LELP1: variants seen among roughly 807,000 people sequenced by gnomAD.
LELP1 encodes the protein late cornified envelope like proline rich 1.
A neutral mutation model predicts 0.3 loss-of-function variants in LELP1; 1 was observed. The ratio of observed to expected loss-of-function variants is 2.87; its 90% CI spans 1.02 to 13.63. The LOEUF (loss-of-function observed/expected upper bound fraction) is 13.63, where lower values mean the gene tolerates loss of function less well. Ranked by LOEUF, LELP1 falls within the 30% of genes most tolerant of loss-of-function variation. LELP1 has a pLI of 0.12. For missense variants in LELP1, 122 were observed against 118.7 expected (o/e 1.03, Z -0.13); for synonymous variants, 57 against 45.9 (o/e 1.24, Z -0.97).
intron 1 of LELP1, 107 bp from the exon 2 acceptor site, chr1:153,204,580 A>T: frequency 1.3e-6 from 1 of 785,976 alleles, no homozygotes; most frequent in Non-Finnish European, 2.1e-6. Flanking sequence ...AAGATGATCT[A>T]GAGCCTGAAT....
chr1:153,205,107 C>G lies in LELP1; in HGVS notation c.*103C>G. On this transcript the variant is annotated 3_prime_UTR_variant, in exon 2 of 2. Transcript: ENST00000368747. ...CCATGAACTGACAAGTAAACGTGTT[C>G]CTCTGCTGTGCAAGACTTCTCCTGG... 1.1e-6 allele frequency: 1 copy of G among 887,610 alleles called. No individual in the cohort carries two copies. Among genetic ancestry groups the G allele is most frequent in the Non-Finnish European group, 1.7e-6 (1 of 572,264 alleles). 55.0% of individuals were successfully genotyped at this position (887,610 alleles called of 1,614,324 possible).
In LELP1 at chr1:153,204,892, C is replaced by T. The variant is rs1657719962; in HGVS notation, c.185C>T (p.Pro62Leu). The T allele has an allele frequency of 2.5e-6, 4 of 1,614,064 alleles. No homozygotes were observed. Among genetic ancestry groups the T allele is most frequent in the Non-Finnish European group, 2.5e-6 (3 of 1,179,968 alleles). Residue 62 changes from proline to leucine, a missense_variant, in exon 2 of 2, where the codon CCC becomes CTC. By Grantham distance (98) the Pro-to-Leu change is moderately conservative. Coordinates refer to ENST00000368747, the MANE Select transcript of LELP1 (RefSeq NM_001010857.3). The part of the protein sequence containing the change: ...CPAPPKCLPC[P>L]SQSPSSCPPQ... Reference sequence around the variant, plus strand: ...GCACCACCCAAGTGCCTGCCCTGCCCCTCGCAGTCTCCTTCATCCTGCCCT... The same window carrying T: ...GCACCACCCAAGTGCCTGCCCTGCCTCTCGCAGTCTCCTTCATCCTGCCCT...
rs763951032 is a variant in LELP1, at chr1:153,204,832, G to A, written c.125G>A (p.Arg42His). Residue 42 changes from arginine (R) to histidine (H), a missense_variant, in exon 2 of 2, where the codon CGC (arginine) becomes CAC (histidine). By Grantham distance (29) the Arg-to-His change is conservative (BLOSUM62 0). Coordinates refer to ENST00000368747, the MANE Select transcript of LELP1 (RefSeq NM_001010857.3). ...AGCTGTTTAAAGAAGCTGCTGCAAC[G>A]CTGTTTCGAAAAGTGCCCATGGGAA... ...QPSCLKKLLQ[R>H]CFEKCPWEKC... 1.1e-4 allele frequency: 173 copies of A among 1,614,214 alleles called. 4 individuals are homozygous for A. In the Admixed American group the frequency reaches 1.5e-3, roughly 14 times the overall value.
chr1:153,204,563 A>G (rs1657711026), intron 1 of LELP1, 124 bp from the exon 2 acceptor site: 8 of 722,498 alleles, frequency 1.1e-5, no homozygotes, highest in Non-Finnish European at 1.9e-5. Flanking sequence ...GGGCGGCCCT[A>G]AATGAGAAGA....
Position 153,204,256 on chromosome 1 carries a change from A to G in LELP1, c.-21-431A>G, listed in dbSNP as rs549894688. ...CCCATCTATCTTCAGAGGAACAGGA[A>G]GTGGCCTTAGAGGAGCGAAACTTCT... On this transcript the variant is annotated intron_variant, in intron 1 of 1. Transcript: ENST00000368747. Among the ~76,000 whole-genome samples, 90 of 152,360 alleles carry G rather than the reference A, an allele frequency of 5.9e-4. 3 individuals carry two copies. The South Asian group carries it at 0.019, about 32-fold the overall frequency.
chr1:153,204,042 A>T (rs548811926), intron 1 of LELP1, among the ~76,000 whole-genome samples: 1 of 152,346 alleles, frequency 6.6e-6, no homozygotes. Flanking sequence ...ATTATTTATC[A>T]GAACCTGGAT....
chr1:153,204,595 C>T, intron 1 of LELP1, 92 bp from the exon 2 acceptor site: 2 of 917,866 alleles, frequency 2.2e-6, no homozygotes, highest in Non-Finnish European at 3.4e-6. Context: ...CTGAATGCAT[C>T]TCAGGGAAGA....
chr1:153,203,693 G>C (rs987570899), intron 1 of LELP1, among the ~76,000 whole-genome samples, 162 bp downstream of exon 1: 1 of 152,104 alleles, frequency 6.6e-6, no homozygotes, highest in Non-Finnish European at 1.5e-5. Flanking sequence ...CTTCACCTTG[G>C]AATAGAGTCT....
At chr1:153,203,617 A>G (rs542039530) in intron 1 of LELP1, 86 bp downstream of exon 1, 2 of 152,292 alleles carry the variant, frequency 1.3e-5, no homozygotes, top group African/African-American at 4.8e-5. Flanking sequence ...CGCACTGAGC[A>G]GGGTTGGGAA....
chr1:153,204,317 C>T (rs1657707288), intron 1 of LELP1, among the ~76,000 whole-genome samples: 1 of 152,090 alleles, frequency 6.6e-6, no homozygotes, highest in African/African-American at 2.4e-5. Flanking sequence ...TCTGGTCAAA[C>T]TTAGGGACTC....
Position 153,205,038 on chromosome 1 carries a change from T to C in LELP1, c.*34T>C. Reference sequence around the variant, plus strand: ...GGGCACTACCCAACCCCACCACCACTGCCACCTCCACCATGTACAACGCTG... The same window carrying C: ...GGGCACTACCCAACCCCACCACCACCGCCACCTCCACCATGTACAACGCTG... On this transcript the variant is annotated 3_prime_UTR_variant, in exon 2 of 2. Coordinates refer to ENST00000368747, the MANE Select transcript of LELP1 (RefSeq NM_001010857.3). 1.3e-6 allele frequency: 2 copies of C among 1,518,880 alleles called. No homozygotes were observed. The highest frequency in any genetic ancestry group is 1.1e-5 in the South Asian group (1 of 88,072). 94.1% of individuals were successfully genotyped at this position (1,518,880 alleles called of 1,614,324 possible).
rs1657726701 is a variant in LELP1 at position 153,205,103 on chromosome 1, T to C, written c.*99T>C. The C allele has an allele frequency of 2.2e-6, 2 of 922,106 alleles. No individual in the cohort carries two copies. The highest frequency in any genetic ancestry group is 5.3e-5 in the East Asian group (2 of 37,940). 57.1% of individuals were successfully genotyped at this position (922,106 alleles called of 1,614,324 possible). A position where few individuals can be genotyped will look rare whatever the true frequency, so the allele number is the denominator to read the frequency against. ...GAAACCATGAACTGACAAGTAAACG[T>C]GTTCCTCTGCTGTGCAAGACTTCTC... On this transcript the variant is annotated 3_prime_UTR_variant, in exon 2 of 2. Coordinates refer to ENST00000368747, the MANE Select transcript of LELP1 (RefSeq NM_001010857.3).
rs766222461 is a variant in LELP1, at chr1:153,204,954, C to A, written c.247C>A (p.Pro83Thr). 1.2e-6 allele frequency: 2 copies of A among 1,613,904 alleles called. No individual in the cohort carries two copies. The highest frequency in any genetic ancestry group is 1.7e-5 in the Admixed American group (1 of 59,998). The change falls in exon 2 of 2, where the codon CCT becomes ACT. Residue 83 changes from proline to threonine, a missense_variant. Transcript: ENST00000368747. ...CACCAAGCCCTGTCCTCCTAAATGC[C>A]CTTCATCCTGCCCACATGCTTGCCC... is the stretch of plus-strand genomic sequence containing the variant. ...PCTKPCPPKC[P>T]SSCPHACPPP...
intron 1 of LELP1, among the ~76,000 whole-genome samples, chr1:153,203,776 A>G (rs1384140192): frequency 6.6e-6 from 1 of 152,228 alleles, no homozygotes; most frequent in Non-Finnish European, 1.5e-5. Context: ...AAAATTTAAA[A>G]TGTTATTTTT....
rs754461347 is a variant in LELP1 at position 153,204,998 on chromosome 1, A to G, written c.291A>G (p.Pro97=). 1 of 1,611,238 alleles carries G rather than the reference A, an allele frequency of 6.2e-7. No individual in the cohort carries two copies. ...CTTGCCCACCTCCCTGCCCTCCCCCAGAGTGAGGCACTGTGGGCACTACCC... is the reference window on the plus strand; with the variant it reads ...CTTGCCCACCTCCCTGCCCTCCCCCGGAGTGAGGCACTGTGGGCACTACCC... ...PHACPPPCPP[P]E The change falls in exon 2 of 2, where the codon CCA becomes CCG. Residue 97 remains proline, a synonymous_variant. Coordinates refer to ENST00000368747, the MANE Select transcript of LELP1 (RefSeq NM_001010857.3).
Position 153,204,673 on chromosome 1 carries a change from A to G in LELP1, c.-21-14A>G, listed in dbSNP as rs1469098761. 1.3e-6 allele frequency: 2 copies of G among 1,592,702 alleles called. No homozygotes were observed. Among genetic ancestry groups the G allele is most frequent in the Non-Finnish European group, 1.7e-6 (2 of 1,161,260 alleles). On this transcript the variant is annotated splice_polypyrimidine_tract_variant and intron_variant, in intron 1 of 1. Coordinates refer to ENST00000368747, the MANE Select transcript of LELP1 (RefSeq NM_001010857.3). ...TCCTCTCCCACCTACAATGCATCTC[A>G]TATTTCTTTGCAGGGCTCAGATAAT... is the stretch of plus-strand genomic sequence containing the variant.
At position 153,205,120 on chromosome 1, in the gene LELP1, A is replaced by G. The variant is rs1040221338; in HGVS notation, c.*116A>G. 5.1e-6 allele frequency: 4 copies of G among 789,532 alleles called. No homozygotes were observed. The Admixed American group carries it at 8.2e-5, about 16-fold the overall frequency. 48.9% of individuals were successfully genotyped at this position (789,532 alleles called of 1,614,324 possible). A position where few individuals can be genotyped will look rare whatever the true frequency, so the allele number is the denominator to read the frequency against. On this transcript the variant is annotated 3_prime_UTR_variant, in exon 2 of 2. Transcript: ENST00000368747. Reference sequence around the variant, plus strand: ...AGTAAACGTGTTCCTCTGCTGTGCAAGACTTCTCCTGGTGTTTCTGGTGGG... The same window carrying G: ...AGTAAACGTGTTCCTCTGCTGTGCAGGACTTCTCCTGGTGTTTCTGGTGGG...
intron 1 of LELP1, among the ~76,000 whole-genome samples, chr1:153,204,453 C>T (rs191227992): frequency 5.3e-4 from 80 of 152,194 alleles, no homozygotes; most frequent in African/African-American, 1.8e-3. Context: ...TTAAGAACTC[C>T]TACTAGAGTC....
In LELP1 at chr1:153,204,297, C is replaced by T. The variant is rs567816823; in HGVS notation, c.-21-390C>T. On this transcript the variant is annotated intron_variant, in intron 1 of 1. Transcript: ENST00000368747. ...CGAAACTTCTATTGTGCCATGAATG[C>T]CTTGAGCAATCTGGTCAAACTTAGG... 5.6e-4 allele frequency among the ~76,000 whole-genome samples: 86 copies of T among 152,264 alleles called. 3 individuals carry two copies. In the South Asian group the frequency reaches 0.017, roughly 30 times the overall value.
Sources: gnomAD v4.1 joint callset for allele counts (sites outside exome capture counted in the v4.1 genomes callset) on GRCh38, gnomAD v4.1.1 for gene constraint, MANE v1.5 for transcripts, NCBI Gene and HGNC (gene_info 2026-07-23, HGNC 2026-07-21) for gene names.